Variants in PSG5 observed in about 807,000 individuals in gnomAD.
PSG5 encodes the protein pregnancy specific beta-1-glycoprotein 5, also known as pregnancy-specific beta-1-glycoprotein 5.
Under a neutral mutation model 37.7 loss-of-function variants are expected in PSG5, and 53 were observed. That is an observed-to-expected ratio of 1.41 (90% CI 1.13 to 1.77). The LOEUF (loss-of-function observed/expected upper bound fraction) is 1.77. Among genes scored for constraint, PSG5 ranks in the 40% most tolerant of loss-of-function variants. The pLI is 0.00. For missense variants in PSG5, 547 were observed against 405.2 expected (o/e 1.35, Z -3.00); for synonymous variants, 221 against 155.4 (o/e 1.42, Z -3.14).
At chr19:43,184,427 T>C (rs748665071) in intron 2 of PSG5, among the ~76,000 whole-genome samples, 1 of 151,392 alleles carries the variant, frequency 6.6e-6, no homozygotes, top group Non-Finnish European at 1.5e-5. Flanking sequence ...TCTCTGAGGG[T>C]CTCAGGGGGC....
chr19:43,173,642 A>G (rs1157800764), intron 4 of PSG5, among the ~76,000 whole-genome samples: 1 of 151,558 alleles, frequency 6.6e-6, no homozygotes, highest in African/African-American at 2.4e-5. Context: ...GCAAATCAAA[A>G]CCACAATGTT....
intron 2 of PSG5, chr19:43,180,559 A>T (rs1378734302): frequency 6.6e-6 from 1 of 151,538 alleles, no homozygotes; most frequent in Non-Finnish European, 1.5e-5. Flanking sequence ...TCCCATAAAA[A>T]GTTGTCAGGA....
At chr19:43,185,363 A>G (rs1469761551) in intron 1 of PSG5, among the ~76,000 whole-genome samples, 1 of 150,116 alleles carries the variant, frequency 6.7e-6, no homozygotes, top group Non-Finnish European at 1.5e-5. Flanking sequence ...CGTGACCCCT[A>G]TTCCTTCAAC....
Position 43,185,085 on chromosome 19 carries a change from G to A in PSG5, c.127C>T (p.Pro43Ser). 1 of 1,612,022 alleles carries A rather than the reference G, an allele frequency of 6.2e-7. No homozygotes were observed. Among genetic ancestry groups the A allele is most frequent in the Admixed American group, 1.7e-5 (1 of 59,872 alleles). The change falls in exon 2 of 6, where the codon CCC (proline) becomes TCC (serine). Residue 43 changes from proline (P) to serine (S), a missense_variant. Coordinates refer to ENST00000342951, the MANE Select transcript of PSG5 (RefSeq NM_002781.4). ...TAQVTIEALP[P>S]KVSEGKDVLL... Reference sequence around the variant, plus strand: ...ACATCCTTCCCCTCGGAAACTTTGGGTGGCAGGGCTTCAATCGTGACTTGA... The same window carrying A: ...ACATCCTTCCCCTCGGAAACTTTGGATGGCAGGGCTTCAATCGTGACTTGA...
At chr19:43,170,512 C>A in intron 4 of PSG5, 1 of 447,770 alleles carries the variant, frequency 2.2e-6, no homozygotes, top group South Asian at 1.8e-5. Flanking sequence ...TCTGTCAGGT[C>A]TCCATGGCAG....
chr19:43,178,820 C>A lies in PSG5; in HGVS notation c.431-2672G>T, dbSNP rs1323410144. The stretch of plus-strand genomic sequence containing the variant: ...CCTGAGAGGGACTGAGAGGCCTGGC[C>A]TCTGGCCATGTGTATTTGGGATGGC... On this transcript the variant is annotated intron_variant, in intron 2 of 5. Coordinates refer to ENST00000342951, the MANE Select transcript of PSG5 (RefSeq NM_002781.4). 1.0e-4 allele frequency: 167 copies of A among 1,611,548 alleles called. 4 individuals are homozygous for A. Among genetic ancestry groups the A allele is most frequent in the Non-Finnish European group, 1.3e-4 (158 of 1,178,506 alleles).
At position 43,182,705 on chromosome 19, in the gene PSG5, A is replaced by ATTTTTTTTTTTTTTTTT. The variant is rs534568803; in HGVS notation, c.430+2060_430+2076dup. On this transcript the variant is annotated intron_variant, in intron 2 of 5. Transcript: ENST00000342951. ...TTGACTAGAAACCAACATTTCAATAATTTTTTTTTTTTTTTTTTGTGCAGG... is the reference window on the plus strand; with the variant it reads ...TTGACTAGAAACCAACATTTCAATAATTTTTTTTTTTTTTTTTTTTTTTTTTTTTTTTTTTGTGCAGG... Among the ~76,000 whole-genome samples the ATTTTTTTTTTTTTTTTT allele has an allele frequency of 1.1e-3, 65 of 58,428 alleles. 2 individuals are homozygous for ATTTTTTTTTTTTTTTTT. The highest frequency in any genetic ancestry group is 1.4e-3 in the Non-Finnish European group (42 of 29,400). The allele number at this position is 58,428 out of a possible 152,430, so 38.3% of individuals were successfully genotyped here.
chr19:43,184,740 C>A lies in PSG5; in HGVS notation c.430+42G>T, dbSNP rs1414375137. 4.4e-6 allele frequency: 7 copies of A among 1,601,680 alleles called. No homozygotes were observed. In the East Asian group the frequency reaches 8.9e-5, roughly 20 times the overall value. ...TCCTGTGTGTGTGAAGTAGAAATGA[C>A]CCCTGTCCCCCAACACCCAGGGATC... On this transcript the variant is annotated intron_variant, in intron 2 of 5. Coordinates refer to ENST00000342951, the MANE Select transcript of PSG5 (RefSeq NM_002781.4).
At chr19:43,169,274 G>A (rs887222512) in intron 5 of PSG5, among the ~76,000 whole-genome samples, 12 of 151,702 alleles carry the variant, frequency 7.9e-5, no homozygotes, top group Admixed American at 2.0e-4. Flanking sequence ...ACATGAACTG[G>A]TCATCAGGAA....
chr19:43,178,972 C>T, intron 2 of PSG5: 8 of 1,612,682 alleles, frequency 5.0e-6, no homozygotes, highest in Non-Finnish European at 6.8e-6. Flanking sequence ...TTTGTGACAC[C>T]AAATATAAAG....
At chr19:43,181,025 A>G (rs1599753086) in intron 2 of PSG5, among the ~76,000 whole-genome samples, 1 of 151,802 alleles carries the variant, frequency 6.6e-6, no homozygotes, top group East Asian at 1.9e-4. Context: ...ACACCACTAA[A>G]GTTTAAGTTT....
chr19:43,173,555 G>C (rs1414785231), intron 4 of PSG5, among the ~76,000 whole-genome samples: 1 of 151,502 alleles, frequency 6.6e-6, no homozygotes, highest in African/African-American at 2.4e-5. Flanking sequence ...TTAAAATGGA[G>C]TTTTCTCCAA....
chr19:43,180,771 G>A (rs1166955801), intron 2 of PSG5, among the ~76,000 whole-genome samples: 2 of 147,854 alleles, frequency 1.4e-5, no homozygotes, highest in Non-Finnish European at 3.0e-5. Flanking sequence ...AAAGAAAGAC[G>A]CCAAAGGTGA....
chr19:43,170,864 T>C (rs979701668), intron 4 of PSG5: 3 of 151,674 alleles, frequency 2.0e-5, no homozygotes, highest in African/African-American at 7.3e-5. Flanking sequence ...AATCCCATCT[T>C]GGGTGCATCT....
chr19:43,185,449 C>G lies in PSG5; in HGVS notation c.65-302G>C, dbSNP rs1421989153. 4.7e-5 allele frequency among the ~76,000 whole-genome samples: 7 copies of G among 150,390 alleles called. 1 individual carries two copies. Among genetic ancestry groups the G allele is most frequent in the Non-Finnish European group, 8.9e-5 (6 of 67,490 alleles). On this transcript the variant is annotated intron_variant, in intron 1 of 5. Coordinates refer to ENST00000342951, the MANE Select transcript of PSG5 (RefSeq NM_002781.4). ...ACGGCACCCCCCCCCCCCCACACTG[C>G]CCTCAGGTCCTGCTCACATCAGGGC...
chr19:43,178,900 G>T, intron 2 of PSG5: 1 of 1,612,862 alleles, frequency 6.2e-7, no homozygotes, highest in Non-Finnish European at 8.5e-7. Flanking sequence ...AGGGTGACTG[G>T]GTCACTGTGG....
chr19:43,178,470 C>A (rs537944948), intron 2 of PSG5, among the ~76,000 whole-genome samples: 16 of 151,704 alleles, frequency 1.1e-4, no homozygotes, highest in African/African-American at 3.2e-4. Context: ...GTGGGGGCAT[C>A]CAGGCCATCT....
At chr19:43,172,120 C>T (rs71350643) in intron 4 of PSG5, among the ~76,000 whole-genome samples, 30,462 of 150,996 alleles carry the variant, frequency 0.2, 3,793 homozygotes, top group Non-Finnish European at 0.27. Flanking sequence ...AGACAAACTC[C>T]TAGAAACACA....
chr19:43,183,327 G>A, intron 2 of PSG5: 1 of 474,628 alleles, frequency 2.1e-6, no homozygotes, highest in Non-Finnish European at 4.2e-6. Flanking sequence ...AGGGACAGGT[G>A]TGGCTAGAAC....
Sources: gnomAD v4.1 joint callset for allele counts (sites outside exome capture counted in the v4.1 genomes callset) on GRCh38, gnomAD v4.1.1 for gene constraint, MANE v1.5 for transcripts, NCBI Gene and HGNC (gene_info 2026-07-23, HGNC 2026-07-21) for gene names.